The following ERICH3 variants were observed in gnomAD, a reference collection of about 807,000 sequenced individuals.
ERICH3 encodes glutamate-rich protein 3.
In ERICH3, 126 loss-of-function variants were observed where a neutral mutation model predicts 131.1. That is an observed-to-expected ratio of 0.96 (90% confidence interval 0.83 to 1.11). ERICH3 has a LOEUF of 1.11. ERICH3 is among the 50% of genes most tolerant of loss of function. The pLI is 0.00. For synonymous variants in ERICH3, 695 were observed against 644.6 expected, an observed-to-expected ratio of 1.08 and a Z score of -1.18; for missense variants, 2,050 against 1,810.7, an observed-to-expected ratio of 1.13 and a Z score of -2.40.
chr1:74,589,395 G>A (rs900027518), intron 12 of ERICH3: 23 of 548,526 alleles, frequency 4.2e-5, no homozygotes, highest in African/African-American at 1.5e-4. Flanking sequence ...GGAATTTACC[G>A]AAAATAGGAA....
At chr1:74,655,631 C>T (rs1291686727) in intron 1 of ERICH3, among the ~76,000 whole-genome samples, 2 of 152,142 alleles carry the variant, frequency 1.3e-5, no homozygotes, top group Non-Finnish European at 1.5e-5. Flanking sequence ...AGATGATTTA[C>T]AATATTAATT....
intron 1 of ERICH3, among the ~76,000 whole-genome samples, chr1:74,665,349 T>C (rs1646681346): frequency 6.6e-6 from 1 of 152,188 alleles, no homozygotes; most frequent in Admixed American, 6.5e-5. Context: ...TATGGTATTC[T>C]ATTTTAACAG....
intron 8 of ERICH3, among the ~76,000 whole-genome samples, chr1:74,613,378 G>T (rs147228281): frequency 1.3e-5 from 2 of 152,250 alleles, no homozygotes; most frequent in Non-Finnish European, 2.9e-5. Context: ...TTAAGACTTA[G>T]AAGAGTTCAG....
chr1:74,594,273 CGT>C (rs10655150), intron 11 of ERICH3, among the ~76,000 whole-genome samples: 7,882 of 143,982 alleles, frequency 0.055, 297 homozygotes, highest in South Asian at 0.13. Flanking sequence ...AAAAATGGGG[CGT>C]GTGTGTGTGT....
intron 9 of ERICH3, 124 bp downstream of exon 9, chr1:74,612,499 A>C: frequency 6.5e-6 from 5 of 772,144 alleles, no homozygotes; most frequent in Non-Finnish European, 9.5e-6. Flanking sequence ...CCCTGAACCT[A>C]GATATTGTAG....
At chr1:74,665,424 T>C (rs554854931) in intron 1 of ERICH3, among the ~76,000 whole-genome samples, 2 of 152,352 alleles carry the variant, frequency 1.3e-5, no homozygotes, top group African/African-American at 4.8e-5. Context: ...TTATTTTAAA[T>C]GATTCTGCAT....
chr1:74,662,865 TC>T (rs1646656113), intron 1 of ERICH3, among the ~76,000 whole-genome samples: 3 of 152,146 alleles, frequency 2.0e-5, no homozygotes. Flanking sequence ...TAAAAATGTT[TC>T]CCAACCAGGC....
At chr1:74,576,772 A>G in intron 13 of ERICH3, 123 bp downstream of exon 13, 1 of 872,242 alleles carries the variant, frequency 1.1e-6, no homozygotes, top group South Asian at 1.8e-5. Context: ...CACACTTCTT[A>G]AAAGTCATTC....
intron 5 of ERICH3, among the ~76,000 whole-genome samples, chr1:74,637,097 C>G (rs1275111972): frequency 1.3e-5 from 2 of 152,136 alleles, no homozygotes; most frequent in African/African-American, 2.4e-5. Context: ...TACCATTCAC[C>G]TTTTCTGGCC....
At chr1:74,623,608 T>G (rs1333200859) in intron 7 of ERICH3, 1 of 152,072 alleles carries the variant, frequency 6.6e-6, no homozygotes, top group Non-Finnish European at 1.5e-5. Context: ...TTTGAACTAT[T>G]CCAGGAAAAC....
At chr1:74,607,134 C>G (rs1443421943) in intron 9 of ERICH3, among the ~76,000 whole-genome samples, 1 of 151,842 alleles carries the variant, frequency 6.6e-6, no homozygotes, top group African/African-American at 2.4e-5. Context: ...TAACGTTATC[C>G]ACAATAATAA....
In ERICH3 at chr1:74,589,764, T is replaced by C; in HGVS notation, c.2043A>G (p.Ala681=). ...EGTEKGTQEI[A]EGLSEKSGKH... ...TCCCGGACTTCTCAGATAAACCCTCTGCAATCTCTTGGGTTCCTTTCTCCG... is the reference window on the plus strand; with the variant it reads ...TCCCGGACTTCTCAGATAAACCCTCCGCAATCTCTTGGGTTCCTTTCTCCG... The change falls in exon 12 of 15, where the codon GCA becomes GCG. Residue 681 remains alanine, a synonymous_variant. Coordinates refer to ENST00000326665, the MANE Select transcript of ERICH3 (RefSeq NM_001002912.5). 1.2e-6 allele frequency: 2 copies of C among 1,614,136 alleles called. No homozygotes were observed. The highest frequency in any genetic ancestry group is 1.3e-5 in the African/African-American group (1 of 75,056).
At chr1:74,627,786 C>A (rs1461263016) in intron 7 of ERICH3, among the ~76,000 whole-genome samples, 1 of 151,878 alleles carries the variant, frequency 6.6e-6, no homozygotes, top group Non-Finnish European at 1.5e-5. Flanking sequence ...AACTTGAAGA[C>A]AAACTGTATA....
chr1:74,579,673 G>T, intron 12 of ERICH3: 1 of 985,338 alleles, frequency 1.0e-6, no homozygotes, highest in Non-Finnish European at 1.2e-6. Flanking sequence ...AACTTGGCTG[G>T]TGTCTAACCT....
chr1:74,603,344 C>G (rs1295300268), intron 10 of ERICH3, among the ~76,000 whole-genome samples: 1 of 151,842 alleles, frequency 6.6e-6, no homozygotes, highest in Non-Finnish European at 1.5e-5. Context: ...TATTCTGCTA[C>G]TTTCTTTTTG....
chr1:74,603,589 T>C (rs566536959), intron 10 of ERICH3, among the ~76,000 whole-genome samples: 2 of 151,890 alleles, frequency 1.3e-5, no homozygotes, highest in East Asian at 3.9e-4. Context: ...TATACCTATA[T>C]ATATATTCGA....
intron 6 of ERICH3, among the ~76,000 whole-genome samples, chr1:74,635,059 C>A (rs1038244194): frequency 6.6e-6 from 1 of 151,998 alleles, no homozygotes; most frequent in East Asian, 1.9e-4. Context: ...TGCCCATTTT[C>A]GTTTATTATC....
At chr1:74,589,123 A>C (rs1647466923) in intron 12 of ERICH3, among the ~76,000 whole-genome samples, 1 of 152,154 alleles carries the variant, frequency 6.6e-6, no homozygotes, top group East Asian at 1.9e-4. Flanking sequence ...ATCTGTAAAA[A>C]AGAGATGATG....
chr1:74,660,057 A>C (rs1370622051), intron 1 of ERICH3, among the ~76,000 whole-genome samples: 3 of 152,148 alleles, frequency 2.0e-5, no homozygotes, highest in Non-Finnish European at 4.4e-5. Context: ...ATGGGAGATA[A>C]TTTAATCATG....
Sources: gnomAD v4.1 joint callset for allele counts (sites outside exome capture counted in the v4.1 genomes callset) on GRCh38, gnomAD v4.1.1 for gene constraint, MANE v1.5 for transcripts, NCBI Gene and HGNC (gene_info 2026-07-23, HGNC 2026-07-21) for gene names.